FAM83G: variants seen among roughly 807,000 people sequenced by gnomAD.
FAM83G encodes scaffolding CK1 anchoring protein G.
In FAM83G, 38 loss-of-function variants were observed where a neutral mutation model predicts 61.5. The ratio of observed to expected loss-of-function variants is 0.62; its 90% confidence interval spans 0.48 to 0.81. FAM83G has a LOEUF of 0.81. Among genes scored for constraint, FAM83G ranks in the 30% least tolerant of loss-of-function variants. The pLI is 0.00. For missense variants in FAM83G, 989 were observed against 1,133.6 expected (o/e 0.87, Z 1.83); for synonymous variants, 470 against 476.1 (o/e 0.99, Z 0.17).
chr17:18,991,369 G>C (rs181309570), intron 2 of FAM83G, among the ~76,000 whole-genome samples: 1 of 152,354 alleles, frequency 6.6e-6, no homozygotes, highest in South Asian at 2.1e-4. Context: ...GGGGGTGTGG[G>C]CCTGGCTTGC....
intron 5 of FAM83G, chr17:18,976,778 G>A: frequency 6.4e-7 from 1 of 1,571,530 alleles, no homozygotes; most frequent in Admixed American, 1.7e-5. Context: ...CCCATTCCCT[G>A]AGGCCCACCA....
Position 19,004,349 on chromosome 17 carries a change from G to A in FAM83G, c.-128-180C>T. 1 of 310,728 alleles carries A rather than the reference G, an allele frequency of 3.2e-6. No homozygotes were observed. The highest frequency in any genetic ancestry group is 6.0e-6 in the Non-Finnish European group (1 of 167,548). 19.2% of individuals were successfully genotyped at this position (310,728 alleles called of 1,614,324 possible). A position where few individuals can be genotyped will look rare whatever the true frequency, so the allele number is the denominator to read the frequency against. ...GAAGAAAGTAAGGGATCGGAACAGCGGTGAGGGAGCGGTGGGCCACGTCCC... is the reference window on the plus strand; with the variant it reads ...GAAGAAAGTAAGGGATCGGAACAGCAGTGAGGGAGCGGTGGGCCACGTCCC... On this transcript the variant is annotated intron_variant, in intron 1 of 5. Coordinates refer to ENST00000388995, the MANE Select transcript of FAM83G (RefSeq NM_001039999.3). This position sits in a 1 kb window ranked among gnomAD's most constrained non-coding sequence, Gnocchi z 5.4.
chr17:19,000,729 G>A lies in FAM83G; in HGVS notation c.522+2791C>T, dbSNP rs748316329. 6.6e-6 allele frequency among the ~76,000 whole-genome samples: 1 copy of A among 152,174 alleles called. No individual in the cohort carries two copies. Among genetic ancestry groups the A allele is most frequent in the Admixed American group, 6.5e-5 (1 of 15,288 alleles). ...AGAGGGATCCCCATCCTAGGCAGGG[G>A]GCAGGCAGAGTTCTCCCTACACAAT... On this transcript the variant is annotated intron_variant, in intron 2 of 5. Transcript: ENST00000388995. The surrounding 1 kb of genome is among the most constrained non-coding windows in gnomAD (Gnocchi z 5.2).
At position 19,003,184 on chromosome 17, in the gene FAM83G, G is replaced by A. The variant is rs1035558902; in HGVS notation, c.522+336C>T. Among the ~76,000 whole-genome samples the A allele has an allele frequency of 6.6e-6, 1 of 150,712 alleles. No homozygotes were observed. The highest frequency in any genetic ancestry group is 2.4e-5 in the African/African-American group (1 of 40,904). On this transcript the variant is annotated intron_variant, in intron 2 of 5. Coordinates refer to ENST00000388995, the MANE Select transcript of FAM83G (RefSeq NM_001039999.3). This position sits in a 1 kb window ranked among gnomAD's most constrained non-coding sequence, Gnocchi z 4.5. ...TGAATCAGAGCCACTCTAAGGGAGA[G>A]TGAGAGGAAGCCCTGGGGTTCCTCC...
rs1296972988 is a variant in FAM83G at position 19,004,103 on chromosome 17, G to A, written c.-62C>T. On this transcript the variant is annotated 5_prime_UTR_variant, in exon 2 of 6. Transcript: ENST00000388995. This position sits in a 1 kb window ranked among gnomAD's most constrained non-coding sequence, Gnocchi z 5.4. ...TGGGCAAGGTCCAGCTCCTAGCTCC[G>A]GCCCAGCTGGGGCACCGCGCGCTCG... 2 of 1,492,038 alleles carry A rather than the reference G, an allele frequency of 1.3e-6. No homozygotes were observed. The highest frequency in any genetic ancestry group is 1.4e-5 in the African/African-American group (1 of 70,988). 92.4% of individuals were successfully genotyped at this position (1,492,038 alleles called of 1,614,324 possible). A position where few individuals can be genotyped will look rare whatever the true frequency, so the allele number is the denominator to read the frequency against.
chr17:18,981,420 T>C lies in FAM83G; in HGVS notation c.691-1747A>G, dbSNP rs2043129708. On this transcript the variant is annotated intron_variant, in intron 3 of 5. Coordinates refer to ENST00000388995, the MANE Select transcript of FAM83G (RefSeq NM_001039999.3). Reference sequence around the variant, plus strand: ...AGCCTGAGCTTGGCCCTGGGGCCAGTAGGGAGCCATGGGAGGATTTACAGC... The same window carrying C: ...AGCCTGAGCTTGGCCCTGGGGCCAGCAGGGAGCCATGGGAGGATTTACAGC... 2.6e-5 allele frequency among the ~76,000 whole-genome samples: 4 copies of C among 152,210 alleles called. No homozygotes were observed. The South Asian group carries it at 8.3e-4, about 32-fold the overall frequency.
At position 19,000,070 on chromosome 17, in the gene FAM83G, C is replaced by T. The variant is rs556162151; in HGVS notation, c.522+3450G>A. ...AGGCTGCAGCCAAGTGAGGCCGGGG[C>T]TCGCCCCTCCCAGGCGTGATCTTAC... On this transcript the variant is annotated intron_variant, in intron 2 of 5. Transcript: ENST00000388995. This position sits in a 1 kb window ranked among gnomAD's most constrained non-coding sequence, Gnocchi z 5.2. Among the ~76,000 whole-genome samples the T allele has an allele frequency of 2.6e-5, 4 of 152,364 alleles. No homozygotes were observed. The East Asian group carries it at 7.7e-4, about 29-fold the overall frequency.
At chr17:18,977,449 G>A (rs1410976114) in intron 5 of FAM83G, 135 bp downstream of exon 5, 1 of 906,602 alleles carries the variant, frequency 1.1e-6, no homozygotes, top group South Asian at 1.7e-5. Context: ...TGTTCATCAA[G>A]TTTCCCCATC....
intron 2 of FAM83G, among the ~76,000 whole-genome samples, chr17:19,001,440 C>T (rs2152141364): frequency 6.6e-6 from 1 of 152,268 alleles, no homozygotes; most frequent in East Asian, 1.9e-4. Context: ...GCAGTGAGTG[C>T]CCCATCCTGA....
intron 2 of FAM83G, among the ~76,000 whole-genome samples, chr17:18,989,269 G>C (rs2043349788): frequency 6.6e-6 from 1 of 152,098 alleles, no homozygotes; most frequent in Non-Finnish European, 1.5e-5. Context: ...AGCAAGCTGG[G>C]GACAGAGTCA....
chr17:18,991,856 A>C (rs1490909674), intron 2 of FAM83G, among the ~76,000 whole-genome samples: 8 of 152,218 alleles, frequency 5.3e-5, no homozygotes, highest in African/African-American at 1.9e-4. Flanking sequence ...GAGGCCTCGA[A>C]GATGCAGCTG....
chr17:18,977,586 G>T lies in FAM83G; in HGVS notation c.2080C>A (p.Gln694Lys). Reference sequence around the variant, plus strand: ...GGTGTGCAGGGACCCTGACCCACCTGTGCCTCCTTGTCTGTGGAGCGCTGG... The same window carrying T: ...GGTGTGCAGGGACCCTGACCCACCTTTGCCTCCTTGTCTGTGGAGCGCTGG... Reference protein sequence around the residue: ...QAQRSTDKEAQGQQFHHHRVP... With the variant: ...QAQRSTDKEAKGQQFHHHRVP... The change falls in exon 5 of 6, where the codon CAG (glutamine) becomes AAG (lysine). Residue 694 changes from glutamine to lysine, a missense_variant and splice_region_variant. Transcript: ENST00000388995. The T allele has an allele frequency of 6.2e-7, 1 of 1,607,444 alleles. No homozygotes were observed.
chr17:18,971,563 C>T lies in FAM83G; in HGVS notation c.2268G>A (p.Pro756=), dbSNP rs201776196. The change falls in exon 6 of 6, where the codon CCG becomes CCA. Residue 756 remains proline, a synonymous_variant. Coordinates refer to ENST00000388995, the MANE Select transcript of FAM83G (RefSeq NM_001039999.3). This position sits in a 1 kb window ranked among gnomAD's most constrained non-coding sequence, Gnocchi z 5.5. ...AKGGQVPRLL[P]DPGSPRLAQN... ...GGGCCAGTCTTGGGCTGCCGGGATC[C>T]GGAAGCAGGCGGGGTACCTGACCTC... is the stretch of plus-strand genomic sequence containing the variant. 215 of 1,613,770 alleles carry T rather than the reference C, an allele frequency of 1.3e-4. No individual in the cohort carries two copies. The African/African-American group carries it at 1.9e-3, about 14-fold the overall frequency.
rs546885064 is a variant in FAM83G, at chr17:18,984,979, C to G, written c.690+3268G>C. Among the ~76,000 whole-genome samples, 3 of 152,378 alleles carry G rather than the reference C, an allele frequency of 2.0e-5. No homozygotes were observed. In the South Asian group the frequency reaches 6.2e-4, roughly 32 times the overall value. On this transcript the variant is annotated intron_variant, in intron 3 of 5. Coordinates refer to ENST00000388995, the MANE Select transcript of FAM83G (RefSeq NM_001039999.3). ...ACTGGTGCACGCTGCTCCCACCTCA[C>G]CTGGGGACCAGGAGTGGGCTTGGCC...
At chr17:18,997,081 G>T (rs561258138) in intron 2 of FAM83G, among the ~76,000 whole-genome samples, 2 of 152,338 alleles carry the variant, frequency 1.3e-5, no homozygotes, top group Middle Eastern at 3.4e-3. Flanking sequence ...GACTATTAAG[G>T]CTGAAGCCTC....
rs759338719 is a variant in FAM83G, at chr17:19,003,483, T to C, written c.522+37A>G. 2.7e-6 allele frequency: 4 copies of C among 1,501,060 alleles called. No homozygotes were observed. The highest frequency in any genetic ancestry group is 2.8e-5 in the African/African-American group (2 of 71,030). 93.0% of individuals were successfully genotyped at this position (1,501,060 alleles called of 1,614,324 possible). Reference sequence around the variant, plus strand: ...GTATTGAGAGGGGTCCGGTGGCTGGTTGGGCCATGGCTCCAGGAGTCCCCG... The same window carrying C: ...GTATTGAGAGGGGTCCGGTGGCTGGCTGGGCCATGGCTCCAGGAGTCCCCG... On this transcript the variant is annotated intron_variant, in intron 2 of 5. Coordinates refer to ENST00000388995, the MANE Select transcript of FAM83G (RefSeq NM_001039999.3). The surrounding 1 kb of genome is among the most constrained non-coding windows in gnomAD (Gnocchi z 4.5).
At chr17:18,979,288 A>G (rs1472342167) in intron 4 of FAM83G, 1 of 519,040 alleles carries the variant, frequency 1.9e-6, no homozygotes, top group Admixed American at 3.3e-5. Flanking sequence ...TGACCCCCAT[A>G]GGCTTGCGAA....
chr17:18,978,643 GGCCACAGTGCCC>G lies in FAM83G; in HGVS notation c.1011_1022del (p.Gly338_Ala341del). ...CGTACTTGGGGTTGACGAGCTTCTTGGCCACAGTGCCCGCGGGCACCAGGGGGACCACAGAGG... is the reference window on the plus strand; with the variant it reads ...CGTACTTGGGGTTGACGAGCTTCTTGGCGGGCACCAGGGGGACCACAGAGG... On this transcript the variant is annotated inframe_deletion, in exon 5 of 6. Transcript: ENST00000388995. 2 of 1,613,060 alleles carry G rather than the reference GGCCACAGTGCCC, an allele frequency of 1.2e-6. No homozygotes were observed. Among genetic ancestry groups the G allele is most frequent in the South Asian group, 2.2e-5 (2 of 91,086 alleles).
intron 5 of FAM83G, among the ~76,000 whole-genome samples, chr17:18,973,014 C>T (rs904640430): frequency 9.2e-5 from 14 of 152,250 alleles, no homozygotes; most frequent in Admixed American, 2.0e-4. Flanking sequence ...TGCCCACATC[C>T]GCCATGCCTC....
Sources: allele counts gnomAD v4.1 joint callset (sites outside exome capture counted in the v4.1 genomes callset), GRCh38; gene constraint gnomAD v4.1.1; non-coding constraint Gnocchi (gnomAD v3.1); transcripts MANE v1.5; gene names NCBI Gene and HGNC (gene_info 2026-07-23, HGNC 2026-07-21).